Variants in ARHGAP26 observed in about 807,000 individuals in gnomAD.
ARHGAP26 encodes the protein rho GTPase-activating protein 26.
ARHGAP26 carries 38 observed loss-of-function variants against 104.8 expected under a neutral mutation model. That is an observed-to-expected ratio of 0.36 (90% CI 0.28 to 0.48). ARHGAP26 has a LOEUF of 0.48. Among genes scored for constraint, ARHGAP26 ranks in the 20% least tolerant of loss-of-function variants. The pLI is 0.99. For missense variants in ARHGAP26, 704 were observed against 947.9 expected (o/e 0.74, Z 3.38); for synonymous variants, 341 against 340.0 (o/e 1.00, Z -0.03).
chr5:142,836,601 C>T (rs1769627971), intron 1 of ARHGAP26, among the ~76,000 whole-genome samples: 1 of 152,198 alleles, frequency 6.6e-6, no homozygotes, highest in Non-Finnish European at 1.5e-5. Flanking sequence ...TGTGTTTTCA[C>T]AGAAGTTGTC....
intron 11 of ARHGAP26, chr5:142,947,118 A>AAAAAAG (rs1336588621): frequency 8.0e-4 from 115 of 144,540 alleles, no homozygotes; most frequent in African/African-American, 2.7e-3. Context: ...AAAAAAAAAA[A>AAAAAAG]AGAGAGAGAG....
chr5:142,772,987 G>C, intron 1 of ARHGAP26: 1 of 488,984 alleles, frequency 2.0e-6, no homozygotes, highest in Non-Finnish European at 4.2e-6. Flanking sequence ...CTGTAATCTG[G>C]AGGAAAGACT....
At chr5:142,937,036 C>T (rs1049149859) in intron 11 of ARHGAP26, among the ~76,000 whole-genome samples, 4 of 152,070 alleles carry the variant, frequency 2.6e-5, no homozygotes, top group Admixed American at 1.3e-4. Context: ...CAAAATTAAA[C>T]GCTTTTGCTT....
intron 20 of ARHGAP26, among the ~76,000 whole-genome samples, chr5:143,155,666 G>A (rs552837585): frequency 3.3e-5 from 5 of 152,198 alleles, no homozygotes; most frequent in African/African-American, 7.2e-5. Flanking sequence ...AGGGCAGAGC[G>A]CCGTTTGAAT....
At chr5:143,214,340 T>C (rs952214979) in intron 22 of ARHGAP26, among the ~76,000 whole-genome samples, 7 of 152,178 alleles carry the variant, frequency 4.6e-5, no homozygotes, top group African/African-American at 1.7e-4. Flanking sequence ...GTTACCACTG[T>C]AAATGAGATT....
intron 1 of ARHGAP26, among the ~76,000 whole-genome samples, chr5:142,814,860 T>TA (rs1321223138): frequency 6.6e-6 from 1 of 152,236 alleles, no homozygotes; most frequent in East Asian, 1.9e-4. Flanking sequence ...TTAGTGCCTG[T>TA]AGACAATGCT....
intron 10 of ARHGAP26, among the ~76,000 whole-genome samples, chr5:142,924,297 G>A (rs1763608845): frequency 6.6e-6 from 1 of 151,846 alleles, no homozygotes; most frequent in African/African-American, 2.4e-5. Flanking sequence ...CTGGATCCCA[G>A]GACATGTATG....
intron 12 of ARHGAP26, among the ~76,000 whole-genome samples, chr5:143,029,791 T>C (rs1781607727): frequency 6.6e-6 from 1 of 152,234 alleles, no homozygotes; most frequent in Admixed American, 6.5e-5. Flanking sequence ...GTTTGTTTTT[T>C]TCTTTTTAAT....
At chr5:143,096,488 C>T (rs1001350199) in intron 17 of ARHGAP26, among the ~76,000 whole-genome samples, 2 of 152,164 alleles carry the variant, frequency 1.3e-5, no homozygotes, top group African/African-American at 4.8e-5. Flanking sequence ...TATTCTTTTA[C>T]GTTTACATGG....
chr5:143,063,328 C>A (rs568642609), intron 17 of ARHGAP26, among the ~76,000 whole-genome samples: 12 of 152,340 alleles, frequency 7.9e-5, no homozygotes, highest in African/African-American at 2.9e-4. Flanking sequence ...GGCCTCCTCC[C>A]TATTGCTCTG....
intron 1 of ARHGAP26, among the ~76,000 whole-genome samples, chr5:142,837,678 G>A (rs73286427): frequency 0.019 from 2,949 of 152,242 alleles, 91 homozygotes; most frequent in African/African-American, 0.068. Context: ...TCAGTATTGA[G>A]TATTTCGTAA....
rs1422927736 is a variant in ARHGAP26 at position 143,225,038 on chromosome 5, G to A, written c.*2592G>A. 4.4e-6 allele frequency: 1 copy of A among 224,820 alleles called. No homozygotes were observed. Among genetic ancestry groups the A allele is most frequent in the East Asian group, 6.5e-5 (1 of 15,498 alleles). The allele number at this position is 224,820 out of a possible 1,614,324, so 13.9% of individuals were successfully genotyped here. A position where few individuals can be genotyped will look rare whatever the true frequency, so the allele number is the denominator to read the frequency against. ...ACTGGGGAAAACTCGAGAAGAAAGG[G>A]AGTATACTAGTAGGTTAGATCTGTG... On this transcript the variant is annotated 3_prime_UTR_variant, in exon 23 of 23. Transcript: ENST00000645722.
Position 143,037,182 on chromosome 5 carries a change from T to C in ARHGAP26, c.1145-14T>C, listed in dbSNP as rs375073477. ...ATGGCTAGCAACTTGACTGTCCTTC[T>C]CTTGCTCTTTCAGCTGCGCAGTTGG... is the stretch of plus-strand genomic sequence containing the variant. On this transcript the variant is annotated splice_polypyrimidine_tract_variant and intron_variant, in intron 12 of 22. Transcript: ENST00000645722. The C allele has an allele frequency of 6.3e-7, 1 of 1,596,452 alleles. No homozygotes were observed. Among genetic ancestry groups the C allele is most frequent in the Non-Finnish European group, 8.6e-7 (1 of 1,166,556 alleles).
intron 14 of ARHGAP26, among the ~76,000 whole-genome samples, chr5:143,052,675 A>G (rs1051829656): frequency 6.6e-5 from 10 of 152,144 alleles, no homozygotes; most frequent in Non-Finnish European, 1.3e-4. Flanking sequence ...AGCAGTAGAT[A>G]CCAGCTGGAT....
intron 11 of ARHGAP26, among the ~76,000 whole-genome samples, chr5:142,986,772 C>T (rs1236232050): frequency 6.6e-6 from 1 of 152,146 alleles, no homozygotes; most frequent in Non-Finnish European, 1.5e-5. Context: ...ATCCTTTCCC[C>T]ATTGCTTGTT....
intron 20 of ARHGAP26, among the ~76,000 whole-genome samples, chr5:143,187,494 C>A (rs1412848578): frequency 5.3e-5 from 8 of 152,310 alleles, no homozygotes; most frequent in African/African-American, 1.9e-4. Context: ...TTGTGTCAGG[C>A]ATTTCCTGGT....
chr5:142,825,047 C>T (rs1766960122), intron 1 of ARHGAP26, among the ~76,000 whole-genome samples: 1 of 151,998 alleles, frequency 6.6e-6, no homozygotes, highest in Non-Finnish European at 1.5e-5. Context: ...ACAAGAGGAC[C>T]CCTCCCCTCT....
intron 11 of ARHGAP26, among the ~76,000 whole-genome samples, chr5:142,963,176 A>G (rs929575511): frequency 5.1e-5 from 5 of 98,966 alleles, no homozygotes; most frequent in African/African-American, 1.4e-4. Context: ...ATATATGTAT[A>G]TATATATATA....
At chr5:143,098,963 A>G (rs1365827737) in intron 17 of ARHGAP26, among the ~76,000 whole-genome samples, 1 of 152,238 alleles carries the variant, frequency 6.6e-6, no homozygotes, top group African/African-American at 2.4e-5. Context: ...AGAAATAGAA[A>G]GTGGCTTCAA....
Sources: gnomAD v4.1 joint callset for allele counts (sites outside exome capture counted in the v4.1 genomes callset) on GRCh38, gnomAD v4.1.1 for gene constraint, MANE v1.5 for transcripts, NCBI Gene and HGNC (gene_info 2026-07-23, HGNC 2026-07-21) for gene names.